The following SLC22A23 variants were observed in gnomAD, a reference collection of about 807,000 sequenced individuals.
SLC22A23 encodes ion transporter protein.
A neutral mutation model predicts 61.0 loss-of-function variants in SLC22A23; 26 were observed. That is an observed-to-expected ratio of 0.43 (90% CI 0.31 to 0.59). The LOEUF (loss-of-function observed/expected upper bound fraction) is 0.59. SLC22A23 is among the 20% of genes least tolerant of loss of function. SLC22A23 has a pLI of 0.11. For missense variants in SLC22A23, 796 were observed against 934.7 expected, an observed-to-expected ratio of 0.85 and a Z score of 1.94; for synonymous variants, 430 against 413.9, an observed-to-expected ratio of 1.04 and a Z score of -0.47.
rs143881410 is a variant in SLC22A23 at position 3,273,349 on chromosome 6, G to A, written c.1767C>T (p.Ile589=). 1.9e-4 allele frequency: 310 copies of A among 1,613,832 alleles called. 2 individuals are homozygous for A. Among genetic ancestry groups the A allele is most frequent in the Admixed American group, 3.5e-4 (21 of 60,030 alleles). ...AGFGMLTAPI[I]ELHNQKGYFL... ...AGTAGCCTTTCTGGTTGTGCAGCTC[G>A]ATGATGGGTGCCGTCAGCATGCCGA... The change falls in exon 10 of 10, where the codon ATC becomes ATT. Residue 589 remains isoleucine, a synonymous_variant. Coordinates refer to ENST00000406686, the MANE Select transcript of SLC22A23 (RefSeq NM_015482.2).
At chr6:3,326,526 T>C (rs1165830069) in intron 3 of SLC22A23, among the ~76,000 whole-genome samples, 7 of 152,202 alleles carry the variant, frequency 4.6e-5, no homozygotes, top group Non-Finnish European at 8.8e-5. Context: ...GACATATCGG[T>C]GGGAGCTGGA....
At chr6:3,445,221 CAG>C (rs1258850875) in intron 1 of SLC22A23, among the ~76,000 whole-genome samples, 6 of 151,206 alleles carry the variant, frequency 4.0e-5, no homozygotes, top group African/African-American at 9.7e-5. Context: ...TTTTTTGAGA[CAG>C]AGTCTCACTG....
chr6:3,388,506 C>G (rs773857682), intron 3 of SLC22A23, among the ~76,000 whole-genome samples: 1 of 152,088 alleles, frequency 6.6e-6, no homozygotes, highest in Admixed American at 6.5e-5. Flanking sequence ...GACACTTCCT[C>G]GAAAACATAA....
rs191249251 is a variant in SLC22A23, at chr6:3,414,617, C to T, written c.758+1135G>A. 6.7e-6 allele frequency among the ~76,000 whole-genome samples: 1 copy of T among 148,676 alleles called. No individual in the cohort carries two copies. Among genetic ancestry groups the T allele is most frequent in the South Asian group, 2.1e-4 (1 of 4,762 alleles). On this transcript the variant is annotated intron_variant, in intron 2 of 9. Coordinates refer to ENST00000406686, the MANE Select transcript of SLC22A23 (RefSeq NM_015482.2). This position sits in a 1 kb window ranked among gnomAD's most constrained non-coding sequence, Gnocchi z 5.1. The stretch of plus-strand genomic sequence containing the variant: ...TGTCCGCCCAGGCACTTGCCTTGGC[C>T]AGCATTCTCAGTTAACTGAGGTGCA...
chr6:3,360,334 A>G lies in SLC22A23; in HGVS notation c.914-36332T>C, dbSNP rs1765358089. Among the ~76,000 whole-genome samples, 1 of 152,248 alleles carries G rather than the reference A, an allele frequency of 6.6e-6. No homozygotes were observed. The highest frequency in any genetic ancestry group is 1.5e-5 in the Non-Finnish European group (1 of 68,042). ...ACAACAACAAAAAAGGCAAGTCCGT[A>G]GTATTGGCCTTTGAGAGCTCTGACC... On this transcript the variant is annotated intron_variant, in intron 3 of 9. Coordinates refer to ENST00000406686, the MANE Select transcript of SLC22A23 (RefSeq NM_015482.2). The surrounding 1 kb of genome is among the most constrained non-coding windows in gnomAD (Gnocchi z 4.6).
chr6:3,378,950 C>T (rs74294825), intron 3 of SLC22A23, among the ~76,000 whole-genome samples: 12,077 of 152,162 alleles, frequency 0.079, 653 homozygotes, highest in South Asian at 0.27. Flanking sequence ...TGAGCCACCG[C>T]GCCTGGCCTC....
chr6:3,397,455 G>A (rs1429202633), intron 3 of SLC22A23, among the ~76,000 whole-genome samples: 1 of 152,180 alleles, frequency 6.6e-6, no homozygotes, highest in Admixed American at 6.5e-5. Context: ...TGGCTTAAAG[G>A]CATCTCTAGC....
chr6:3,307,632 A>T (rs1489692618), intron 4 of SLC22A23, among the ~76,000 whole-genome samples: 1 of 152,108 alleles, frequency 6.6e-6, no homozygotes, highest in Non-Finnish European at 1.5e-5. Flanking sequence ...GATCAGCGAG[A>T]GCTGCTCAGG....
Position 3,273,374 on chromosome 6 carries a change from AAGCCCGCGCTGGCCAGCACCAGCCCC to A in SLC22A23, c.1716_1741del (p.Gly573ArgfsTer47). ...GATGATGGGTGCCGTCAGCATGCCG[AAGCCCGCGCTGGCCAGCACCAGCCCC>A]AGCCCGCCACACCTGCAGGGGGAGG... is the stretch of plus-strand genomic sequence containing the variant. On this transcript the variant is annotated frameshift_variant, in exon 10 of 10. Coordinates refer to ENST00000406686, the MANE Select transcript of SLC22A23 (RefSeq NM_015482.2). LOFTEE classifies it high-confidence loss of function. 6.2e-7 allele frequency: 1 copy of A among 1,612,956 alleles called. No homozygotes were observed. The highest frequency in any genetic ancestry group is 8.5e-7 in the Non-Finnish European group (1 of 1,179,850).
intron 3 of SLC22A23, among the ~76,000 whole-genome samples, chr6:3,389,728 A>G (rs889710202): frequency 2.6e-5 from 4 of 152,256 alleles, no homozygotes; most frequent in South Asian, 2.1e-4. Flanking sequence ...GAGAAAGTAC[A>G]GGGATGAAGT....
chr6:3,325,136 G>A (rs1440198145), intron 3 of SLC22A23, among the ~76,000 whole-genome samples: 1 of 152,198 alleles, frequency 6.6e-6, no homozygotes, highest in African/African-American at 2.4e-5. Context: ...AAGAAGAAGA[G>A]GAAGAAGACA....
chr6:3,380,546 C>T (rs1766892112), intron 3 of SLC22A23, among the ~76,000 whole-genome samples: 1 of 152,068 alleles, frequency 6.6e-6, no homozygotes, highest in South Asian at 2.1e-4. Context: ...TGAAACCGGA[C>T]TCTATTTTGG....
At chr6:3,341,886 AT>A (rs1764176775) in intron 3 of SLC22A23, among the ~76,000 whole-genome samples, 1 of 152,162 alleles carries the variant, frequency 6.6e-6, no homozygotes, top group African/African-American at 2.4e-5. Context: ...AAGTTAATGG[AT>A]TTTAAAAAAA....
chr6:3,311,838 T>TG (rs1195741500), intron 4 of SLC22A23: 1 of 152,174 alleles, frequency 6.6e-6, no homozygotes, highest in Non-Finnish European at 1.5e-5. Context: ...ATGGTGGAAA[T>TG]CTCTTGGGAG....
chr6:3,450,738 T>C (rs925800233), intron 1 of SLC22A23, among the ~76,000 whole-genome samples: 34 of 152,250 alleles, frequency 2.2e-4, no homozygotes, highest in Non-Finnish European at 4.4e-5. Flanking sequence ...TTCCATTAAA[T>C]AAACACTTTG....
intron 3 of SLC22A23, among the ~76,000 whole-genome samples, chr6:3,338,795 C>T (rs960995648): frequency 2.6e-5 from 4 of 152,316 alleles, no homozygotes; most frequent in East Asian, 1.9e-4. Flanking sequence ...CAGAATTAAA[C>T]GTGGCAGCAC....
In SLC22A23 at chr6:3,297,309, A is replaced by C. The variant is rs530583697; in HGVS notation, c.1210+782T>G. ...GGCCTGGAGGTTATTTTCCCAGGGA[A>C]TTTTATAGCAACAATTTATCCCAGG... On this transcript the variant is annotated intron_variant, in intron 5 of 9. Transcript: ENST00000406686. This position sits in a 1 kb window ranked among gnomAD's most constrained non-coding sequence, Gnocchi z 4.3. Among the ~76,000 whole-genome samples the C allele has an allele frequency of 2.1e-3, 318 of 152,326 alleles. 1 individual carries two copies. The highest frequency in any genetic ancestry group is 7.4e-3 in the African/African-American group (308 of 41,576).
At chr6:3,289,211 C>A (rs935122033) in intron 6 of SLC22A23, among the ~76,000 whole-genome samples, 1 of 152,234 alleles carries the variant, frequency 6.6e-6, no homozygotes, top group Non-Finnish European at 1.5e-5. Context: ...AAAGAACCTG[C>A]GTGAGTGATG....
At chr6:3,433,862 G>C (rs544171338) in intron 1 of SLC22A23, among the ~76,000 whole-genome samples, 1 of 152,182 alleles carries the variant, frequency 6.6e-6, no homozygotes, top group Non-Finnish European at 1.5e-5. Context: ...TTAACGCAGC[G>C]GTTGCCTAAG....
Sources: gnomAD v4.1 joint callset for allele counts (sites outside exome capture counted in the v4.1 genomes callset) on GRCh38, gnomAD v4.1.1 for gene constraint, Gnocchi (gnomAD v3.1) non-coding constraint, MANE v1.5 for transcripts, NCBI Gene and HGNC (gene_info 2026-07-23, HGNC 2026-07-21) for gene names.